SGCZ: variants seen among roughly 807,000 people sequenced by gnomAD.
The protein encoded by SGCZ is zeta-sarcoglycan.
A neutral mutation model predicts 41.3 loss-of-function variants in SGCZ; 40 were observed. The observed-to-expected ratio is 0.97, with a 90% CI of 0.75 to 1.26. The LOEUF (loss-of-function observed/expected upper bound fraction) is 1.26, where lower values mean the gene tolerates loss of function less well. Among genes scored for constraint, SGCZ ranks in the 50% most tolerant of loss-of-function variants. SGCZ has a pLI of 0.00. For synonymous variants in SGCZ, 206 were observed against 137.5 expected (o/e 1.50, Z -3.49); for missense variants, 552 against 369.8 (o/e 1.49, Z -4.04).
chr8:14,643,907 C>A (rs78039495), intron 1 of SGCZ, among the ~76,000 whole-genome samples: 29,028 of 151,492 alleles, frequency 0.19, 3,269 homozygotes, highest in East Asian at 0.58. Flanking sequence ...AATAGAACTG[C>A]AATGTATAAA....
intron 3 of SGCZ, among the ~76,000 whole-genome samples, chr8:14,245,182 G>A (rs1161934766): frequency 1.3e-5 from 2 of 152,160 alleles, no homozygotes; most frequent in African/African-American, 4.8e-5. Context: ...AGTTTTCAAA[G>A]GGAATGCTTC....
intron 1 of SGCZ, among the ~76,000 whole-genome samples, chr8:14,774,410 T>C (rs1800339306): frequency 6.6e-6 from 1 of 152,328 alleles, no homozygotes; most frequent in East Asian, 1.9e-4. Flanking sequence ...GCTATCATCA[T>C]GTAGAAGTTA....
intron 1 of SGCZ, among the ~76,000 whole-genome samples, chr8:14,647,860 C>G (rs1807274179): frequency 6.6e-6 from 1 of 152,022 alleles, no homozygotes; most frequent in East Asian, 1.9e-4. Context: ...AAGTTATTGA[C>G]AGCCTTACAG....
intron 1 of SGCZ, among the ~76,000 whole-genome samples, chr8:15,154,917 G>C (rs568126524): frequency 1.3e-5 from 2 of 152,290 alleles, no homozygotes; most frequent in Admixed American, 6.5e-5. Context: ...CAGCAGTGTA[G>C]GGTAAAATTA....
At chr8:14,144,579 T>C (rs1204181047) in intron 5 of SGCZ, among the ~76,000 whole-genome samples, 1 of 152,160 alleles carries the variant, frequency 6.6e-6, no homozygotes. Context: ...CAAAACTCTT[T>C]CTACTGGAGA....
intron 4 of SGCZ, among the ~76,000 whole-genome samples, chr8:14,199,655 T>A (rs905000150): frequency 2.6e-5 from 4 of 152,140 alleles, no homozygotes; most frequent in African/African-American, 4.8e-5. Context: ...ATTTCACTCT[T>A]TTGTACTCTG....
At chr8:14,698,305 T>G (rs1259695705) in intron 1 of SGCZ, among the ~76,000 whole-genome samples, 1 of 151,940 alleles carries the variant, frequency 6.6e-6, no homozygotes, top group Non-Finnish European at 1.5e-5. Context: ...TAGCTGGCCT[T>G]AGGAAATTTA....
chr8:14,492,522 C>G (rs1042352750), intron 2 of SGCZ, among the ~76,000 whole-genome samples: 10 of 152,214 alleles, frequency 6.6e-5, no homozygotes, highest in African/African-American at 2.4e-4. Context: ...CTAAATAAGG[C>G]CCAATTATTT....
rs563745151 is a variant in SGCZ at position 14,789,166 on chromosome 8, C to G, written c.40-234240G>C. Among the ~76,000 whole-genome samples the G allele has an allele frequency of 3.3e-5, 5 of 152,054 alleles. No homozygotes were observed. In the South Asian group the frequency reaches 1.0e-3, roughly 32 times the overall value. On this transcript the variant is annotated intron_variant, in intron 1 of 7. Transcript: ENST00000382080. ...GTTTACAAACACTGGGCACTATGCACGATGCTTGGGGGCCATTTTAAACAG... is the reference window on the plus strand; with the variant it reads ...GTTTACAAACACTGGGCACTATGCAGGATGCTTGGGGGCCATTTTAAACAG...
chr8:14,299,430 C>G (rs1359952459), intron 3 of SGCZ, among the ~76,000 whole-genome samples: 1 of 151,746 alleles, frequency 6.6e-6, no homozygotes, highest in Admixed American at 6.6e-5. Context: ...GGATTTGTAT[C>G]AAGAATATAT....
intron 4 of SGCZ, among the ~76,000 whole-genome samples, chr8:14,230,226 C>T (rs1042361110): frequency 6.6e-6 from 1 of 151,972 alleles, no homozygotes; most frequent in Admixed American, 6.6e-5. Context: ...AGAAAAGAGT[C>T]GTGGAGACAA....
chr8:14,732,283 G>C (rs1261547266), intron 1 of SGCZ, among the ~76,000 whole-genome samples: 1 of 152,040 alleles, frequency 6.6e-6, no homozygotes, highest in Non-Finnish European at 1.5e-5. Context: ...AGGAATGACA[G>C]GATACCATCC....
chr8:14,832,994 C>T (rs1032625650), intron 1 of SGCZ, among the ~76,000 whole-genome samples: 1 of 151,358 alleles, frequency 6.6e-6, no homozygotes, highest in Non-Finnish European at 1.5e-5. Context: ...TTTGATCATT[C>T]CTTTTATTTT....
chr8:14,339,303 A>T (rs2117073191), intron 2 of SGCZ, among the ~76,000 whole-genome samples: 1 of 152,358 alleles, frequency 6.6e-6, no homozygotes, highest in South Asian at 2.1e-4. Flanking sequence ...AGCCAGAGAA[A>T]GAACACCTCT....
At chr8:15,100,178 G>C (rs1423164711) in intron 1 of SGCZ, among the ~76,000 whole-genome samples, 1 of 152,132 alleles carries the variant, frequency 6.6e-6, no homozygotes, top group Non-Finnish European at 1.5e-5. Context: ...ATTTTCGGAT[G>C]ACTTGATTGT....
intron 5 of SGCZ, among the ~76,000 whole-genome samples, chr8:14,135,004 A>G (rs1430537124): frequency 6.6e-6 from 1 of 152,200 alleles, no homozygotes; most frequent in Non-Finnish European, 1.5e-5. Context: ...CCTTCACACT[A>G]TCACGGCAGA....
At chr8:14,550,757 G>A (rs1429834266) in intron 2 of SGCZ, among the ~76,000 whole-genome samples, 1 of 151,942 alleles carries the variant, frequency 6.6e-6, no homozygotes, top group Non-Finnish European at 1.5e-5. Context: ...CCTTTAGAAG[G>A]ACATACATCA....
At chr8:14,977,037 C>T (rs1487478581) in intron 1 of SGCZ, among the ~76,000 whole-genome samples, 1 of 152,234 alleles carries the variant, frequency 6.6e-6, no homozygotes, top group Non-Finnish European at 1.5e-5. Context: ...AGTCTACAAA[C>T]ACCAATGTCT....
intron 1 of SGCZ, among the ~76,000 whole-genome samples, chr8:14,643,195 G>A (rs1807084335): frequency 1.3e-5 from 2 of 151,550 alleles, no homozygotes; most frequent in African/African-American, 4.8e-5. Context: ...TTCCTGATTG[G>A]CATCACTGAA....
Sources: gnomAD v4.1 joint callset for allele counts (sites outside exome capture counted in the v4.1 genomes callset) on GRCh38, gnomAD v4.1.1 for gene constraint, MANE v1.5 for transcripts, NCBI Gene and HGNC (gene_info 2026-07-23, HGNC 2026-07-21) for gene names.